The following TMEM132C variants were observed in gnomAD, a reference collection of about 807,000 sequenced individuals.
The protein encoded by TMEM132C is protein phosphatase 1, regulatory subunit 152.
Under a neutral mutation model 61.4 loss-of-function variants are expected in TMEM132C, and 29 were observed. That is an observed-to-expected ratio of 0.47 (90% CI 0.35 to 0.64). TMEM132C has a LOEUF of 0.64. TMEM132C is among the 30% of genes least tolerant of loss of function. The pLI, the probability that TMEM132C is intolerant of heterozygous loss-of-function variation, is 0.00. For missense variants in TMEM132C, 1,408 were observed against 1,476.9 expected (o/e 0.95, Z 0.76); for synonymous variants, 656 against 633.1 (o/e 1.04, Z -0.54).
At chr12:128,601,014 T>C (rs1375695983) in intron 3 of TMEM132C, among the ~76,000 whole-genome samples, 1 of 152,248 alleles carries the variant, frequency 6.6e-6, no homozygotes, top group East Asian at 1.9e-4. Context: ...CTGTGTTTAG[T>C]AGCGCTCAGC....
chr12:128,276,749 A>G (rs1305154054), intron 1 of TMEM132C, among the ~76,000 whole-genome samples: 1 of 152,190 alleles, frequency 6.6e-6, no homozygotes, highest in African/African-American at 2.4e-5. Context: ...AGAAATGTGG[A>G]TCAAATGCTG....
intron 2 of TMEM132C, among the ~76,000 whole-genome samples, chr12:128,459,300 C>T (rs1249471813): frequency 6.6e-6 from 1 of 152,188 alleles, no homozygotes; most frequent in Non-Finnish European, 1.5e-5. Flanking sequence ...CTTTGTTCTG[C>T]ACTGCTGGCC....
intron 2 of TMEM132C, among the ~76,000 whole-genome samples, chr12:128,448,702 T>C (rs1870076102): frequency 6.6e-6 from 1 of 152,176 alleles, no homozygotes; most frequent in Admixed American, 6.5e-5. Flanking sequence ...TAAGGGACTT[T>C]TGGATACAGG....
rs753501660 is a variant in TMEM132C, at chr12:128,497,248, C to T, written c.975-46709C>T. On this transcript the variant is annotated intron_variant, in intron 2 of 8. Coordinates refer to ENST00000435159, the MANE Select transcript of TMEM132C (RefSeq NM_001136103.3). ...GAGATGTCAGTCTGCCCCTACTGGG[C>T]GGTGCCTCCCAGTTAGGCTACTCGG... is the stretch of plus-strand genomic sequence containing the variant. 6.6e-5 allele frequency among the ~76,000 whole-genome samples: 10 copies of T among 152,332 alleles called. 1 individual carries two copies. The highest frequency in any genetic ancestry group is 6.2e-4 in the South Asian group (3 of 4,828).
intron 3 of TMEM132C, among the ~76,000 whole-genome samples, chr12:128,612,029 G>T (rs1299422629): frequency 6.6e-6 from 1 of 152,252 alleles, no homozygotes; most frequent in East Asian, 1.9e-4. Flanking sequence ...TGTGGGGGTG[G>T]AGAAGGGGTA....
rs530991340 is a variant in TMEM132C, at chr12:128,560,715, C to G, written c.1121+16612C>G. 4.6e-5 allele frequency among the ~76,000 whole-genome samples: 7 copies of G among 152,306 alleles called. No homozygotes were observed. The South Asian group carries it at 1.0e-3, about 23-fold the overall frequency. ...TCACGTCTGTGTGTTTAGGGCTTAA[C>G]TCAGTTCCTGGCACAGGGAAGGGAT... On this transcript the variant is annotated intron_variant, in intron 3 of 8. Transcript: ENST00000435159.
chr12:128,518,354 A>G (rs2136125326), intron 2 of TMEM132C, among the ~76,000 whole-genome samples: 1 of 152,270 alleles, frequency 6.6e-6, no homozygotes, highest in South Asian at 2.1e-4. Context: ...AAGGGAGGAA[A>G]AGATGGAAAG....
At chr12:128,314,695 G>A (rs1303614995) in intron 1 of TMEM132C, among the ~76,000 whole-genome samples, 1 of 152,214 alleles carries the variant, frequency 6.6e-6, no homozygotes, top group Non-Finnish European at 1.5e-5. Flanking sequence ...GAAAGGGGCA[G>A]AGATTGGAGC....
At chr12:128,398,356 C>A (rs946241568) in intron 1 of TMEM132C, among the ~76,000 whole-genome samples, 1 of 152,200 alleles carries the variant, frequency 6.6e-6, no homozygotes, top group Non-Finnish European at 1.5e-5. Flanking sequence ...CACTCTCTCT[C>A]CGCAGGGAAA....
At chr12:128,692,566 G>T (rs938188896) in intron 5 of TMEM132C, among the ~76,000 whole-genome samples, 4 of 152,166 alleles carry the variant, frequency 2.6e-5, no homozygotes, top group African/African-American at 7.2e-5. Flanking sequence ...CTAATTTCCA[G>T]GGGATTTAAC....
intron 1 of TMEM132C, among the ~76,000 whole-genome samples, chr12:128,285,033 A>G (rs1485447915): frequency 6.6e-6 from 1 of 152,152 alleles, no homozygotes; most frequent in African/African-American, 2.4e-5. Context: ...AGTCCCAGCT[A>G]CTTGGGAGAC....
chr12:128,391,081 A>T (rs1279363953), intron 1 of TMEM132C, among the ~76,000 whole-genome samples: 1 of 152,140 alleles, frequency 6.6e-6, no homozygotes, highest in East Asian at 1.9e-4. Context: ...CTGCCCTGAG[A>T]AGTTCTTTGG....
intron 3 of TMEM132C, among the ~76,000 whole-genome samples, chr12:128,600,003 G>T (rs1876112635): frequency 6.6e-6 from 1 of 151,808 alleles, no homozygotes; most frequent in Non-Finnish European, 1.5e-5. Context: ...GTGTTTTTTT[G>T]AGACAGAGTC....
chr12:128,620,748 AT>A lies in TMEM132C; in HGVS notation c.1305+4415del, dbSNP rs1953956551. ...GCCATTTTTCATCCTTTGCAAACTC[AT>A]TATGAAATCATTTTCCTTGACCCCT... On this transcript the variant is annotated intron_variant, in intron 4 of 8. Transcript: ENST00000435159. Among the ~76,000 whole-genome samples, 3 of 152,086 alleles carry A rather than the reference AT, an allele frequency of 2.0e-5. No individual in the cohort carries two copies. The South Asian group carries it at 6.2e-4, about 32-fold the overall frequency.
chr12:128,552,458 A>T (rs1874206517), intron 3 of TMEM132C, among the ~76,000 whole-genome samples: 1 of 152,244 alleles, frequency 6.6e-6, no homozygotes, highest in Non-Finnish European at 1.5e-5. Flanking sequence ...TATAGAAAAG[A>T]ATAAAGACAC....
In TMEM132C at chr12:128,666,136, C is replaced by T. The variant is rs534594753; in HGVS notation, c.1306-3281C>T. Among the ~76,000 whole-genome samples the T allele has an allele frequency of 3.3e-5, 5 of 150,576 alleles. No individual in the cohort carries two copies. The South Asian group carries it at 1.1e-3, about 32-fold the overall frequency. On this transcript the variant is annotated intron_variant, in intron 4 of 8. Coordinates refer to ENST00000435159, the MANE Select transcript of TMEM132C (RefSeq NM_001136103.3). ...ACACAGGCACCCACACACACAGGCA[C>T]ACACACATTCACAGGCATTCATACA...
At chr12:128,310,786 G>T (rs1312371770) in intron 1 of TMEM132C, among the ~76,000 whole-genome samples, 1 of 152,142 alleles carries the variant, frequency 6.6e-6, no homozygotes, top group Admixed American at 6.5e-5. Context: ...AGCATATGGT[G>T]GGATAGAGAA....
chr12:128,447,872 GC>G (rs1870043146), intron 2 of TMEM132C, among the ~76,000 whole-genome samples: 1 of 135,690 alleles, frequency 7.4e-6, no homozygotes, highest in African/African-American at 3.1e-5. Flanking sequence ...GACTACAGGC[GC>G]CCGCCACCGC....
At chr12:128,575,239 G>C (rs529882116) in intron 3 of TMEM132C, among the ~76,000 whole-genome samples, 46 of 152,310 alleles carry the variant, frequency 3.0e-4, no homozygotes, top group African/African-American at 7.9e-4. Context: ...CAACACTTTG[G>C]GGGGGCCAAG....
Sources: allele counts gnomAD v4.1 joint callset (sites outside exome capture counted in the v4.1 genomes callset), GRCh38; gene constraint gnomAD v4.1.1; transcripts MANE v1.5; gene names NCBI Gene and HGNC (gene_info 2026-07-23, HGNC 2026-07-21).